DPH6: variants seen among roughly 807,000 people sequenced by gnomAD.
DPH6 encodes diphthine--ammonia ligase.
In DPH6, 33 loss-of-function variants were observed where a neutral mutation model predicts 38.2. The ratio of observed to expected loss-of-function variants is 0.86; its 90% CI spans 0.65 to 1.15. DPH6 has a LOEUF of 1.15. Among genes scored for constraint, DPH6 ranks in the 50% most tolerant of loss-of-function variants. The probability of loss-of-function intolerance (pLI) is 0.00; values close to 1 mark genes in which losing one functional copy is unlikely to be tolerated. For synonymous variants in DPH6, 108 were observed against 103.0 expected (o/e 1.05, Z -0.30); for missense variants, 325 against 320.0 (o/e 1.02, Z -0.12).
chr15:35,431,770 C>A (rs753924811), intron 5 of DPH6, among the ~76,000 whole-genome samples: 298 of 152,140 alleles, frequency 2.0e-3, no homozygotes, highest in Non-Finnish European at 3.6e-3. Context: ...CTTGGCTCCC[C>A]TTAGAACCAA....
downstream of DPH6, among the ~76,000 whole-genome samples, chr15:35,327,336 C>CTTT (rs376483680): frequency 7.0e-5 from 9 of 127,808 alleles, no homozygotes; most frequent in African/African-American, 9.2e-5. Context: ...GAAAAGGTTC[C>CTTT]TTTTTTTTTT....
chr15:35,152,860 T>TAGTGGGAGTACACTAAGTGTACTA, the DPH6 span, among the ~76,000 whole-genome samples: 1 of 152,148 alleles, frequency 6.6e-6, no homozygotes, highest in Non-Finnish European at 1.5e-5. Flanking sequence ...TTGTTGTACT[T>TAGTGGGAGTACACTAAGTGTACTA]AGTGGGAGGA....
intron 2 of DPH6, among the ~76,000 whole-genome samples, chr15:35,541,798 T>C (rs1299447000): frequency 6.6e-6 from 1 of 152,068 alleles, no homozygotes; most frequent in Non-Finnish European, 1.5e-5. Flanking sequence ...AAAGCTATAA[T>C]TGGGGATATT....
chr15:35,527,365 G>A (rs748838307), intron 3 of DPH6, among the ~76,000 whole-genome samples: 7 of 152,092 alleles, frequency 4.6e-5, no homozygotes, highest in Non-Finnish European at 1.0e-4. Context: ...GAATTCCAGA[G>A]GAGTAGAGTT....
At chr15:35,147,990 A>G in the DPH6 span, among the ~76,000 whole-genome samples, 2 of 152,224 alleles carry the variant, frequency 1.3e-5, no homozygotes, top group Non-Finnish European at 2.9e-5. Context: ...GAGAACAGCA[A>G]TCTAGAAACT....
At chr15:35,520,241 CAAAAG>C in intron 3 of DPH6, 1 of 478,572 alleles carries the variant, frequency 2.1e-6, no homozygotes, top group South Asian at 1.0e-4. Context: ...AAAAAAAAAA[CAAAAG>C]AAGAAGAATC....
intron 6 of DPH6, among the ~76,000 whole-genome samples, chr15:35,394,999 C>CT (rs2053112906): frequency 7.6e-6 from 1 of 132,014 alleles, no homozygotes; most frequent in African/African-American, 3.3e-5. Flanking sequence ...CAATTGTGCT[C>CT]CATCTGATAG....
intron 3 of DPH6, among the ~76,000 whole-genome samples, chr15:35,279,599 T>C (rs1409519923): frequency 6.6e-6 from 1 of 152,066 alleles, no homozygotes; most frequent in Non-Finnish European, 1.5e-5. Flanking sequence ...TGGCACCTCC[T>C]CCACCCCTTG....
chr15:35,428,557 T>C (rs1029619336), intron 5 of DPH6, among the ~76,000 whole-genome samples: 4 of 152,086 alleles, frequency 2.6e-5, no homozygotes, highest in Admixed American at 6.6e-5. Context: ...CCCATGGGCC[T>C]GGGGCAATCT....
intron 5 of DPH6, among the ~76,000 whole-genome samples, chr15:35,440,113 C>A (rs1050486662): frequency 6.6e-6 from 1 of 152,114 alleles, no homozygotes; most frequent in Non-Finnish European, 1.5e-5. Context: ...GGCTGCAGCT[C>A]AGAAGGAACA....
chr15:35,298,971 T>A, intron 3 of DPH6: 1 of 761,488 alleles, frequency 1.3e-6, no homozygotes, highest in Non-Finnish European at 2.4e-6. Context: ...TCGCTCCTAA[T>A]CTTCATCTTC....
intron 6 of DPH6, among the ~76,000 whole-genome samples, chr15:35,405,823 C>T (rs1433268937): frequency 6.6e-6 from 1 of 151,866 alleles, no homozygotes; most frequent in Non-Finnish European, 1.5e-5. Context: ...GTATGATACT[C>T]GCTGTGGATC....
At chr15:35,207,992 G>A in the DPH6 span, among the ~76,000 whole-genome samples, 3 of 152,228 alleles carry the variant, frequency 2.0e-5, no homozygotes, top group South Asian at 4.1e-4. Context: ...ACCAGAACTT[G>A]TTTTGCCTAC....
chr15:35,394,133 A>G (rs1418235545), intron 6 of DPH6, among the ~76,000 whole-genome samples: 1 of 152,062 alleles, frequency 6.6e-6, no homozygotes, highest in East Asian at 1.9e-4. Context: ...TATCTAGAAT[A>G]TGTTCTTCTC....
At chr15:35,373,318 G>C (rs1595507513) in intron 8 of DPH6, among the ~76,000 whole-genome samples, 2 of 151,494 alleles carry the variant, frequency 1.3e-5, no homozygotes, top group African/African-American at 4.8e-5. Context: ...CATAAATGTA[G>C]TATCTTTTGT....
In DPH6 at chr15:35,419,887, C is replaced by G. The variant is rs2053482637; in HGVS notation, c.506-8991G>C. On this transcript the variant is annotated intron_variant, in intron 5 of 8. Transcript: ENST00000256538. ...ATCAACATTGGATAAAACTTCCAGACAGAAAATCAATAAGGAAACATTGGG... is the reference window on the plus strand; with the variant it reads ...ATCAACATTGGATAAAACTTCCAGAGAGAAAATCAATAAGGAAACATTGGG... Among the ~76,000 whole-genome samples the G allele has an allele frequency of 2.6e-5, 4 of 152,214 alleles. No homozygotes were observed. In the South Asian group the frequency reaches 8.3e-4, roughly 32 times the overall value.
At chr15:35,542,118 G>C (rs1336048525) in intron 2 of DPH6, among the ~76,000 whole-genome samples, 1 of 152,112 alleles carries the variant, frequency 6.6e-6, no homozygotes, top group Non-Finnish European at 1.5e-5. Context: ...TTTGAAGTAA[G>C]AAGGTTCAAG....
At chr15:35,472,255 CA>C (rs768354150) in intron 3 of DPH6, among the ~76,000 whole-genome samples, 19 of 152,120 alleles carry the variant, frequency 1.2e-4, no homozygotes, top group Non-Finnish European at 2.6e-4. Context: ...CAAAGAGGGA[CA>C]GTGAAGGAAC....
At position 35,455,988 on chromosome 15, in the gene DPH6, T is replaced by C. The variant is rs1318219453; in HGVS notation, c.313-1168A>G. On this transcript the variant is annotated intron_variant, in intron 3 of 8. Coordinates refer to ENST00000256538, the MANE Select transcript of DPH6 (RefSeq NM_080650.4). Reference sequence around the variant, plus strand: ...AATAAACAAAAATGCAAAAAAGGAATTTTTTATGTCTTTAAAGTCGATTTA... The same window carrying C: ...AATAAACAAAAATGCAAAAAAGGAACTTTTTATGTCTTTAAAGTCGATTTA... Among the ~76,000 whole-genome samples, 4 of 152,156 alleles carry C rather than the reference T, an allele frequency of 2.6e-5. No homozygotes were observed. The East Asian group carries it at 5.8e-4, about 22-fold the overall frequency.
Sources: allele counts gnomAD v4.1 joint callset (sites outside exome capture counted in the v4.1 genomes callset), GRCh38; gene constraint gnomAD v4.1.1; transcripts MANE v1.5; gene names NCBI Gene and HGNC (gene_info 2026-07-23, HGNC 2026-07-21).